The following CNTNAP2 variants were observed in gnomAD, a reference collection of about 807,000 sequenced individuals.
CNTNAP2 encodes contactin-associated protein-like 2.
In CNTNAP2, 98 loss-of-function variants were observed where a neutral mutation model predicts 155.2. That is an observed-to-expected ratio of 0.63 (90% CI 0.54 to 0.75). The LOEUF (loss-of-function observed/expected upper bound fraction) is 0.75. CNTNAP2 is among the 30% of genes least tolerant of loss of function. CNTNAP2 has a pLI of 0.00. For missense variants in CNTNAP2, 1,727 were observed against 1,688.1 expected (o/e 1.02, Z -0.40); for synonymous variants, 651 against 631.2 (o/e 1.03, Z -0.47).
At chr7:147,549,538 A>T (rs777385242) in intron 11 of CNTNAP2, among the ~76,000 whole-genome samples, 1 of 152,196 alleles carries the variant, frequency 6.6e-6, no homozygotes, top group Non-Finnish European at 1.5e-5. Context: ...AAATCATGTC[A>T]TCTGCAAACA....
intron 1 of CNTNAP2, among the ~76,000 whole-genome samples, chr7:146,659,347 A>G (rs1289566101): frequency 2.0e-5 from 3 of 152,184 alleles, no homozygotes; most frequent in Non-Finnish European, 4.4e-5. Context: ...GGAAAGGCAG[A>G]GTGGAGTTCT....
intron 8 of CNTNAP2, among the ~76,000 whole-genome samples, chr7:147,255,602 G>T (rs978802341): frequency 5.3e-5 from 8 of 151,956 alleles, no homozygotes; most frequent in African/African-American, 1.9e-4. Flanking sequence ...CTATAATTTT[G>T]CACCTCTGGA....
intron 3 of CNTNAP2, among the ~76,000 whole-genome samples, chr7:146,913,100 A>G (rs1019482833): frequency 1.3e-5 from 2 of 152,194 alleles, no homozygotes; most frequent in African/African-American, 4.8e-5. Flanking sequence ...ATAAATCAGC[A>G]AAGTTTCATA....
chr7:148,289,598 CACA>C (rs770754287), intron 21 of CNTNAP2, among the ~76,000 whole-genome samples: 14 of 152,022 alleles, frequency 9.2e-5, no homozygotes, highest in Admixed American at 2.0e-4. Context: ...CACACACACA[CACA>C]CCCCATGTTG....
intron 14 of CNTNAP2, among the ~76,000 whole-genome samples, chr7:147,951,361 G>A (rs192254649): frequency 6.6e-6 from 1 of 152,298 alleles, no homozygotes; most frequent in Admixed American, 6.5e-5. Context: ...TAGGGAAAGA[G>A]GAAAGAGAAG....
chr7:147,243,084 G>A (rs931203004), intron 8 of CNTNAP2, among the ~76,000 whole-genome samples: 4 of 128,386 alleles, frequency 3.1e-5, no homozygotes, highest in Non-Finnish European at 6.2e-5. Flanking sequence ...TGCAACCTCC[G>A]TCTCCTGGTT....
At chr7:147,295,194 T>C (rs1805411349) in intron 8 of CNTNAP2, among the ~76,000 whole-genome samples, 1 of 152,030 alleles carries the variant, frequency 6.6e-6, no homozygotes, top group Non-Finnish European at 1.5e-5. Context: ...CCCCAGAAAC[T>C]GAGCACTTCT....
intron 1 of CNTNAP2, among the ~76,000 whole-genome samples, chr7:146,133,930 G>T (rs1797757207): frequency 6.6e-6 from 1 of 151,484 alleles, no homozygotes; most frequent in Admixed American, 6.6e-5. Context: ...CTTTAAAGTA[G>T]TTTTTTCCAA....
At chr7:147,056,855 C>T (rs10246469) in intron 4 of CNTNAP2, among the ~76,000 whole-genome samples, 30,133 of 152,034 alleles carry the variant, frequency 0.2, 3,190 homozygotes, top group East Asian at 0.3. Flanking sequence ...ACTGTAGCCT[C>T]GACCTCCTGG....
intron 10 of CNTNAP2, among the ~76,000 whole-genome samples, chr7:147,431,046 A>G: frequency 7.6e-6 from 1 of 130,784 alleles, no homozygotes; most frequent in Non-Finnish European, 1.7e-5. Flanking sequence ...GTGAGACTCC[A>G]TCTCAAAAAA....
intron 20 of CNTNAP2, among the ~76,000 whole-genome samples, chr7:148,253,009 C>CATAG (rs59679982): frequency 0.15 from 21,153 of 141,824 alleles, 1,607 homozygotes; most frequent in East Asian, 0.18. Flanking sequence ...TAGATAGATA[C>CATAG]ATAGATAGAT....
At chr7:148,409,315 T>A (rs1259027801) in intron 22 of CNTNAP2, 76 bp from the exon 23 acceptor site, 17 of 1,153,462 alleles carry the variant, frequency 1.5e-5, no homozygotes, top group Non-Finnish European at 2.2e-5. Context: ...AAGAGTTGCA[T>A]GAAGAAATAG....
chr7:146,864,748 G>T (rs1159847202), intron 3 of CNTNAP2, among the ~76,000 whole-genome samples: 1 of 151,986 alleles, frequency 6.6e-6, no homozygotes, highest in Admixed American at 6.6e-5. Flanking sequence ...TCAGTGCTTT[G>T]GGAGGCTGAA....
chr7:146,982,705 C>T (rs1563031294), intron 3 of CNTNAP2, among the ~76,000 whole-genome samples: 2 of 152,028 alleles, frequency 1.3e-5, no homozygotes, highest in African/African-American at 2.4e-5. Flanking sequence ...ATGCTTGATG[C>T]CTCTGATCAG....
intron 2 of CNTNAP2, among the ~76,000 whole-genome samples, chr7:146,786,032 C>T (rs1357281565): frequency 6.6e-6 from 1 of 152,060 alleles, no homozygotes; most frequent in Non-Finnish European, 1.5e-5. Flanking sequence ...CCACAAGTAG[C>T]CGTTTGGGAA....
Position 148,416,258 on chromosome 7 carries a change from T to C in CNTNAP2, c.*642T>C, listed in dbSNP as rs1799986465. ...TTGAAGGAAGAGAGTGCATGGCACC[T>C]GGTGTGTAACGACACAATCAGCACA... On this transcript the variant is annotated 3_prime_UTR_variant, in exon 24 of 24. Transcript: ENST00000361727. 1 of 152,962 alleles carries C rather than the reference T, an allele frequency of 6.5e-6. No individual in the cohort carries two copies. Among genetic ancestry groups the C allele is most frequent in the Non-Finnish European group, 1.5e-5 (1 of 68,756 alleles). 9.5% of individuals were successfully genotyped at this position (152,962 alleles called of 1,614,324 possible).
intron 13 of CNTNAP2, among the ~76,000 whole-genome samples, chr7:147,666,938 C>A (rs908431346): frequency 6.6e-6 from 1 of 152,166 alleles, no homozygotes; most frequent in African/African-American, 2.4e-5. Flanking sequence ...AGACTAACAA[C>A]AGTTCAGGAA....
intron 1 of CNTNAP2, among the ~76,000 whole-genome samples, chr7:146,368,095 C>T (rs553246738): frequency 7.2e-5 from 11 of 152,182 alleles, no homozygotes; most frequent in African/African-American, 2.6e-4. Flanking sequence ...CTCTGCATCC[C>T]CAATGCCCTT....
At chr7:147,661,252 G>C (rs759922600) in intron 13 of CNTNAP2, among the ~76,000 whole-genome samples, 1 of 150,810 alleles carries the variant, frequency 6.6e-6, no homozygotes, top group Admixed American at 6.6e-5. Context: ...AGAATGCCGT[G>C]TCATTTTTTT....
Sources: gnomAD v4.1 joint callset for allele counts (sites outside exome capture counted in the v4.1 genomes callset) on GRCh38, gnomAD v4.1.1 for gene constraint, MANE v1.5 for transcripts, NCBI Gene and HGNC (gene_info 2026-07-23, HGNC 2026-07-21) for gene names.